Variants in PAPLN observed in about 807,000 individuals in gnomAD.
PAPLN encodes papilin, proteoglycan like sulfated glycoprotein.
Under a neutral mutation model 159.0 loss-of-function variants are expected in PAPLN, and 146 were observed. The ratio of observed to expected loss-of-function variants is 0.92; its 90% CI spans 0.80 to 1.05. The LOEUF is 1.05. Among genes scored for constraint, PAPLN ranks in the 50% least tolerant of loss-of-function variants. The probability of loss-of-function intolerance (pLI) is 0.00; values close to 1 mark genes in which losing one functional copy is unlikely to be tolerated. For missense variants in PAPLN, 1,720 were observed against 1,743.9 expected, an observed-to-expected ratio of 0.99 and a Z score of 0.24; for synonymous variants, 734 against 702.9, an observed-to-expected ratio of 1.04 and a Z score of -0.70.
At chr14:73,244,398 A>C in intron 2 of PAPLN, 1 of 439,944 alleles carries the variant, frequency 2.3e-6, no homozygotes, top group South Asian at 2.7e-5. Context: ...AACTCTTCCC[A>C]GCTGCTCCTG....
intron 1 of PAPLN, among the ~76,000 whole-genome samples, chr14:73,238,544 T>C (rs1255106962): frequency 6.6e-6 from 1 of 152,212 alleles, no homozygotes; most frequent in Non-Finnish European, 1.5e-5. Context: ...ACAAGTAAAA[T>C]TCTTCTTTCA....
rs177385 is a variant in PAPLN, at chr14:73,263,582, C to G, written c.2724-63C>G. 4.0e-4 allele frequency: 647 copies of G among 1,607,188 alleles called. 4 individuals carry two copies. The highest frequency in any genetic ancestry group is 1.7e-3 in the Middle Eastern group (10 of 6,044). On this transcript the variant is annotated intron_variant, in intron 19 of 26. Transcript: ENST00000644200. ...AAGCTGTCTGTCATGGAACACACTG[C>G]TTAGGGTGGTTCTGGTCCTGGCGCT...
In PAPLN at chr14:73,245,950, C is replaced by A. The variant is rs1884217335; in HGVS notation, c.232-123C>A. 4 of 1,050,374 alleles carry A rather than the reference C, an allele frequency of 3.8e-6. No individual in the cohort carries two copies. Among genetic ancestry groups the A allele is most frequent in the Non-Finnish European group, 1.3e-6 (1 of 752,210 alleles). 65.1% of individuals were successfully genotyped at this position (1,050,374 alleles called of 1,614,324 possible). ...CGGGGGTCCGGGGGGCGGACTCCACCTCCGGCGGCTCCGATGGGGCAGGCA... is the reference window on the plus strand; with the variant it reads ...CGGGGGTCCGGGGGGCGGACTCCACATCCGGCGGCTCCGATGGGGCAGGCA... On this transcript the variant is annotated intron_variant, in intron 4 of 26. Transcript: ENST00000644200. This position sits in a 1 kb window ranked among gnomAD's most constrained non-coding sequence, Gnocchi z 4.2.
rs964249017 is a variant in PAPLN at position 73,244,711 on chromosome 14, C to T, written c.122C>T (p.Thr41Ile). The T allele has an allele frequency of 1.3e-6, 2 of 1,598,534 alleles. No homozygotes were observed. The highest frequency in any genetic ancestry group is 2.3e-5 in the East Asian group (1 of 44,034). Residue 41 changes from threonine (T) to isoleucine (I), a missense_variant, in exon 3 of 27, where the codon ACC becomes ATC. Physicochemically the swap from Thr to Ile is moderately conservative, Grantham distance 89. Coordinates refer to ENST00000644200, the MANE Select transcript of PAPLN (RefSeq NM_001365906.3). ...AGCCAGTGGAGCCCCTGCAGCCGGA[C>T]CTGTGGAGGGGGTGTCAGCTTCCGG... ...PWSQWSPCSRTCGGGVSFRER... is the reference protein window; with the variant it reads ...PWSQWSPCSRICGGGVSFRER...
At position 73,260,849 on chromosome 14, in the gene PAPLN, G is replaced by T; in HGVS notation, c.2106+20G>T. The T allele has an allele frequency of 6.7e-7, 1 of 1,496,652 alleles. No homozygotes were observed. Among genetic ancestry groups the T allele is most frequent in the Non-Finnish European group, 8.9e-7 (1 of 1,128,312 alleles). 92.7% of individuals were successfully genotyped at this position (1,496,652 alleles called of 1,614,324 possible). The stretch of plus-strand genomic sequence containing the variant: ...TCTACAGTAAGTGTCTGGCCTGGGG[G>T]AGGGGAGCAGGGGGCCAGCCCGTGA... On this transcript the variant is annotated intron_variant, in intron 17 of 26. Coordinates refer to ENST00000644200, the MANE Select transcript of PAPLN (RefSeq NM_001365906.3).
intron 2 of PAPLN, among the ~76,000 whole-genome samples, chr14:73,241,016 G>C (rs778801533): frequency 1.1e-4 from 15 of 135,480 alleles, no homozygotes; most frequent in South Asian, 2.2e-4. Context: ...GGGAGGTCGG[G>C]GGGGGGATGC....
At chr14:73,272,396 T>C (rs1887819847) in intron 26 of PAPLN, 99 bp from the exon 27 acceptor site, 3 of 1,202,380 alleles carry the variant, frequency 2.5e-6, no homozygotes, top group Admixed American at 2.5e-5. Flanking sequence ...CTGGCAGTTA[T>C]AATGCTGTGT....
intron 19 of PAPLN, 199 bp from the exon 20 acceptor site, chr14:73,263,446 G>C: frequency 1.6e-6 from 1 of 644,086 alleles, no homozygotes; most frequent in Non-Finnish European, 2.7e-6. Context: ...GATGCTTGGG[G>C]GAGCCGGGGG....
chr14:73,248,106 T>TGTGTGTGTGCGC (rs139626596), intron 5 of PAPLN, among the ~76,000 whole-genome samples: 1 of 78,508 alleles, frequency 1.3e-5, no homozygotes, highest in African/African-American at 5.7e-5. Flanking sequence ...TGTGTGTGTG[T>TGTGTGTGTGCGC]GCGCGTGTGT....
chr14:73,264,738 G>A lies in PAPLN; in HGVS notation c.3125+12G>A. 6.2e-7 allele frequency: 1 copy of A among 1,612,104 alleles called. No homozygotes were observed. The highest frequency in any genetic ancestry group is 8.5e-7 in the Non-Finnish European group (1 of 1,179,580). On this transcript the variant is annotated intron_variant, in intron 22 of 26. Transcript: ENST00000644200. ...CAGCCTGCAAACAGGTAAGAACTCAGCAATGCCATCTTGCCCTCCCCCACG... is the reference window on the plus strand; with the variant it reads ...CAGCCTGCAAACAGGTAAGAACTCAACAATGCCATCTTGCCCTCCCCCACG...
In PAPLN at chr14:73,245,528, C is replaced by A; in HGVS notation, c.171-108C>A. The A allele has an allele frequency of 1.6e-6, 2 of 1,248,768 alleles. No homozygotes were observed. The highest frequency in any genetic ancestry group is 1.1e-6 in the Non-Finnish European group (1 of 899,702). 77.4% of individuals were successfully genotyped at this position (1,248,768 alleles called of 1,614,324 possible). A position where few individuals can be genotyped will look rare whatever the true frequency, so the allele number is the denominator to read the frequency against. ...GGTCGGGGGACACCCTCTCACCTTG[C>A]TGCTCCCACTGGAGAGTCCCGCAGA... On this transcript the variant is annotated intron_variant, in intron 3 of 26. Transcript: ENST00000644200. This position sits in a 1 kb window ranked among gnomAD's most constrained non-coding sequence, Gnocchi z 4.2.
At position 73,262,466 on chromosome 14, in the gene PAPLN, CA is replaced by C; in HGVS notation, c.2363del (p.His788LeufsTer14). ...QCNRFWYGGC[H>X]GNANNFASEQ... ...TAACCGCTTCTGGTATGGCGGCTGC[CA>C]TGGCAATGCCAATAACTTTGCCTCG... On this transcript the variant is annotated frameshift_variant, in exon 19 of 27. Transcript: ENST00000644200. LOFTEE classifies it high-confidence loss of function. The C allele has an allele frequency of 6.2e-7, 1 of 1,610,476 alleles. No homozygotes were observed. Among genetic ancestry groups the C allele is most frequent in the Non-Finnish European group, 8.5e-7 (1 of 1,178,330 alleles).
intron 25 of PAPLN, 73 bp downstream of exon 25, chr14:73,266,904 C>A: frequency 7.2e-7 from 1 of 1,388,234 alleles, no homozygotes; most frequent in Non-Finnish European, 1.0e-6. Flanking sequence ...CACCTTTCTG[C>A]CAGGGATGTC....
chr14:73,263,282 T>C lies in PAPLN; in HGVS notation c.2724-363T>C, dbSNP rs1329868181. The C allele has an allele frequency of 1.3e-5, 5 of 372,524 alleles. No individual in the cohort carries two copies. The Admixed American group carries it at 2.1e-4, about 15-fold the overall frequency. The allele number at this position is 372,524 out of a possible 1,614,324, so 23.1% of individuals were successfully genotyped here. A position where few individuals can be genotyped will look rare whatever the true frequency, so the allele number is the denominator to read the frequency against. ...CATATTAATGAAGGATTTGGGAAGG[T>C]TAAAAACAAAATTAAAAGCGTTGTG... On this transcript the variant is annotated intron_variant, in intron 19 of 26. Transcript: ENST00000644200.
chr14:73,264,421 C>A, intron 21 of PAPLN, 86 bp downstream of exon 21: 1 of 1,558,348 alleles, frequency 6.4e-7, no homozygotes. Flanking sequence ...AGGGCTGCCT[C>A]ACGCTAGAGG....
intron 2 of PAPLN, among the ~76,000 whole-genome samples, chr14:73,240,095 G>A (rs1245693586): frequency 2.0e-5 from 3 of 152,210 alleles, no homozygotes; most frequent in African/African-American, 7.2e-5. Flanking sequence ...CCTTCAGAAG[G>A]TGGTGGGAGC....
rs1884009592 is a variant in PAPLN at position 73,244,770 on chromosome 14, T to G, written c.170+11T>G. 6.6e-7 allele frequency: 1 copy of G among 1,519,604 alleles called. No homozygotes were observed. The highest frequency in any genetic ancestry group is 2.2e-5 in the Admixed American group (1 of 46,280). 94.1% of individuals were successfully genotyped at this position (1,519,604 alleles called of 1,614,324 possible). A position where few individuals can be genotyped will look rare whatever the true frequency, so the allele number is the denominator to read the frequency against. On this transcript the variant is annotated intron_variant, in intron 3 of 26. Transcript: ENST00000644200. ...CTGCTACTCCCAGAGGTAGGAGAGA[T>G]GAAAATGGGCCAGCTTGTTAAAGCA...
At chr14:73,256,907 A>AT (rs898963385) in intron 14 of PAPLN, among the ~76,000 whole-genome samples, 2 of 151,928 alleles carry the variant, frequency 1.3e-5, no homozygotes, top group Admixed American at 6.6e-5. Context: ...TTAAAAAAAA[A>AT]AATAATAAAA....
intron 14 of PAPLN, among the ~76,000 whole-genome samples, chr14:73,256,471 G>A (rs952353492): frequency 2.7e-5 from 4 of 146,876 alleles, no homozygotes; most frequent in East Asian, 2.0e-4. Context: ...GGCCGAGGTT[G>A]CAGTGAGCCG....
Sources: allele counts gnomAD v4.1 joint callset (sites outside exome capture counted in the v4.1 genomes callset), GRCh38; gene constraint gnomAD v4.1.1; non-coding constraint Gnocchi (gnomAD v3.1); transcripts MANE v1.5; gene names NCBI Gene and HGNC (gene_info 2026-07-23, HGNC 2026-07-21).